The following PTPRG variants were observed in gnomAD, a reference collection of about 807,000 sequenced individuals.
PTPRG encodes the protein receptor-type tyrosine-protein phosphatase gamma.
A neutral mutation model predicts 165.3 loss-of-function variants in PTPRG; 102 were observed. The observed-to-expected ratio is 0.62, with a 90% confidence interval of 0.53 to 0.73. PTPRG has a LOEUF of 0.73. PTPRG is among the 30% of genes least tolerant of loss of function. PTPRG has a pLI of 0.00. For missense variants in PTPRG, 1,866 were observed against 1,861.4 expected (o/e 1.00, Z -0.05); for synonymous variants, 675 against 669.5 (o/e 1.01, Z -0.13).
intron 1 of PTPRG, among the ~76,000 whole-genome samples, chr3:61,668,782 A>G (rs768800176): frequency 6.6e-6 from 1 of 152,182 alleles, no homozygotes; most frequent in Non-Finnish European, 1.5e-5. Context: ...TGTGACTCTC[A>G]GATATTTTCA....
At chr3:61,965,326 A>G (rs941430054) in intron 2 of PTPRG, among the ~76,000 whole-genome samples, 2 of 151,832 alleles carry the variant, frequency 1.3e-5, no homozygotes, top group Non-Finnish European at 2.9e-5. Context: ...CGTCTCTACT[A>G]AAAATACAAA....
chr3:61,738,294 A>ATGTGTG (rs1414187300), intron 1 of PTPRG, among the ~76,000 whole-genome samples: 2 of 85,374 alleles, frequency 2.3e-5, no homozygotes, highest in Admixed American at 1.3e-4. Context: ...ATATATATAT[A>ATGTGTG]TATATATATA....
At position 62,017,447 on chromosome 3, in the gene PTPRG, G is replaced by A. The variant is rs545753654; in HGVS notation, c.519+13950G>A. Among the ~76,000 whole-genome samples the A allele has an allele frequency of 1.5e-3, 218 of 149,650 alleles. 2 individuals carry two copies. The highest frequency in any genetic ancestry group is 2.4e-3 in the Non-Finnish European group (162 of 67,656). ...TTTTTTTTTTTTGAGGCGGAGTCTC[G>A]CTCTTTCGCCCAGGCTGGAGTGCAG... On this transcript the variant is annotated intron_variant, in intron 4 of 29. Transcript: ENST00000474889.
intron 28 of PTPRG, among the ~76,000 whole-genome samples, chr3:62,287,003 T>C (rs2148897001): frequency 6.6e-6 from 1 of 152,270 alleles, no homozygotes; most frequent in East Asian, 1.9e-4. Flanking sequence ...GTTTAAGCCA[T>C]ATTGTATAAA....
chr3:62,260,225 CT>C (rs1259077273), intron 16 of PTPRG, among the ~76,000 whole-genome samples: 1 of 152,220 alleles, frequency 6.6e-6, no homozygotes, highest in Non-Finnish European at 1.5e-5. Context: ...AATGTTACCC[CT>C]ACTTGGTGTA....
chr3:61,615,995 G>C (rs567265099), intron 1 of PTPRG, among the ~76,000 whole-genome samples: 19 of 152,296 alleles, frequency 1.2e-4, no homozygotes, highest in Admixed American at 5.9e-4. Context: ...TCTGTTCCCA[G>C]GCTGGAGTGC....
At chr3:61,685,262 T>C (rs993168550) in intron 1 of PTPRG, among the ~76,000 whole-genome samples, 19 of 152,150 alleles carry the variant, frequency 1.2e-4, no homozygotes, top group Non-Finnish European at 2.4e-4. Flanking sequence ...GGCGCACTGA[T>C]GGAGAAGGAA....
intron 3 of PTPRG, among the ~76,000 whole-genome samples, chr3:61,992,801 C>G (rs570934614): frequency 1.3e-5 from 2 of 151,878 alleles, no homozygotes; most frequent in South Asian, 2.1e-4. Flanking sequence ...GGATTACAGG[C>G]GTGAGCCACC....
chr3:61,963,411 G>T (rs1486033348), intron 2 of PTPRG, among the ~76,000 whole-genome samples: 1 of 152,040 alleles, frequency 6.6e-6, no homozygotes, highest in Non-Finnish European at 1.5e-5. Flanking sequence ...AAAAAAATCA[G>T]AAAAAGATGC....
intron 6 of PTPRG, among the ~76,000 whole-genome samples, chr3:62,154,634 G>A (rs1704467431): frequency 6.6e-6 from 1 of 152,120 alleles, no homozygotes; most frequent in South Asian, 2.1e-4. Flanking sequence ...TCTTCCTATA[G>A]TGTGTTTAGA....
At chr3:61,736,704 C>T (rs1016831942) in intron 1 of PTPRG, among the ~76,000 whole-genome samples, 5 of 152,144 alleles carry the variant, frequency 3.3e-5, no homozygotes, top group Admixed American at 6.5e-5. Flanking sequence ...AACAATGATT[C>T]GTCTTGACTC....
At chr3:62,120,916 CCTGCTTA>C (rs1703043125) in intron 5 of PTPRG, among the ~76,000 whole-genome samples, 1 of 152,056 alleles carries the variant, frequency 6.6e-6, no homozygotes, top group Non-Finnish European at 1.5e-5. Context: ...GCAGGGCATG[CCTGCTTA>C]TTTGGGAGAA....
intron 8 of PTPRG, among the ~76,000 whole-genome samples, chr3:62,178,505 C>T (rs968359065): frequency 6.6e-6 from 1 of 152,152 alleles, no homozygotes; most frequent in African/African-American, 2.4e-5. Flanking sequence ...ACCTTTTACT[C>T]TGACCAAAAG....
chr3:61,915,058 G>A (rs1440035478), intron 2 of PTPRG, among the ~76,000 whole-genome samples: 2 of 152,116 alleles, frequency 1.3e-5, no homozygotes, highest in African/African-American at 4.8e-5. Context: ...GTGAAACCCC[G>A]TCTCTACTGA....
At chr3:61,718,349 A>G (rs371682237) in intron 1 of PTPRG, among the ~76,000 whole-genome samples, 1 of 152,186 alleles carries the variant, frequency 6.6e-6, no homozygotes, top group African/African-American at 2.4e-5. Flanking sequence ...TTTCATTTTA[A>G]CAAGCTGTGA....
rs772184030 is a variant in PTPRG at position 62,110,561 on chromosome 3, T to TA, written c.616-22040dup. Among the ~76,000 whole-genome samples, 17 of 151,686 alleles carry TA rather than the reference T, an allele frequency of 1.1e-4. No homozygotes were observed. The East Asian group carries it at 3.1e-3, about 28-fold the overall frequency. On this transcript the variant is annotated intron_variant, in intron 5 of 29. Transcript: ENST00000474889. ...CTTTAAAAAAAAAAAAAAGGAATGA[T>TA]ACGCTCTACCTTGCAAGTTTTTCAG...
At chr3:61,705,535 C>T (rs2031202168) in intron 1 of PTPRG, among the ~76,000 whole-genome samples, 1 of 151,972 alleles carries the variant, frequency 6.6e-6, no homozygotes, top group South Asian at 2.1e-4. Flanking sequence ...TATTTACTGT[C>T]GCCATCACCG....
intron 21 of PTPRG, among the ~76,000 whole-genome samples, chr3:62,272,421 G>A (rs1702095699): frequency 1.3e-5 from 2 of 152,112 alleles, no homozygotes; most frequent in Admixed American, 1.3e-4. Context: ...CTTTTATTCT[G>A]TTTCATTTGA....
chr3:62,107,594 G>A (rs73840209), intron 5 of PTPRG, among the ~76,000 whole-genome samples: 2 of 152,252 alleles, frequency 1.3e-5, no homozygotes, highest in Admixed American at 6.5e-5. Flanking sequence ...ATAATATATG[G>A]TACGTACTAT....
Sources: allele counts gnomAD v4.1 joint callset (sites outside exome capture counted in the v4.1 genomes callset), GRCh38; gene constraint gnomAD v4.1.1; transcripts MANE v1.5; gene names NCBI Gene and HGNC (gene_info 2026-07-23, HGNC 2026-07-21).